SEMA6D: variants seen among roughly 807,000 people sequenced by gnomAD.
SEMA6D encodes the protein semaphorin-6D.
SEMA6D carries 35 observed loss-of-function variants against 106.6 expected under a neutral mutation model. The ratio of observed to expected loss-of-function variants is 0.33; its 90% CI spans 0.25 to 0.44. The LOEUF is 0.44. SEMA6D is among the 20% of genes least tolerant of loss of function. The pLI, the probability that SEMA6D is intolerant of heterozygous loss-of-function variation, is 1.00. For synonymous variants in SEMA6D, 499 were observed against 487.7 expected (o/e 1.02, Z -0.31); for missense variants, 1,185 against 1,345.9 (o/e 0.88, Z 1.87).
chr15:47,217,435 C>T (rs1397546555), intron 1 of SEMA6D, among the ~76,000 whole-genome samples: 1 of 152,020 alleles, frequency 6.6e-6, no homozygotes, highest in Non-Finnish European at 1.5e-5. Flanking sequence ...CAACAGGAAA[C>T]TGTAGGGAAA....
intron 4 of SEMA6D, among the ~76,000 whole-genome samples, chr15:47,621,932 C>T (rs1388495036): frequency 1.3e-5 from 2 of 152,114 alleles, no homozygotes; most frequent in Non-Finnish European, 2.9e-5. Flanking sequence ...CACTTTAACC[C>T]CATCCCTAAT....
chr15:47,589,080 C>A (rs757851638), intron 3 of SEMA6D, among the ~76,000 whole-genome samples: 2 of 152,160 alleles, frequency 1.3e-5, no homozygotes, highest in Non-Finnish European at 2.9e-5. Flanking sequence ...AAAGGTGTTT[C>A]ATGTTCTGAG....
At chr15:47,605,039 A>G (rs542088488) in intron 4 of SEMA6D, among the ~76,000 whole-genome samples, 68 of 152,230 alleles carry the variant, frequency 4.5e-4, no homozygotes, top group Non-Finnish European at 7.9e-4. Flanking sequence ...TGTGTAACCA[A>G]TATCCCTGAA....
chr15:47,656,786 A>G (rs2077804574), intron 4 of SEMA6D, among the ~76,000 whole-genome samples: 2 of 152,204 alleles, frequency 1.3e-5, no homozygotes, highest in Admixed American at 6.6e-5. Context: ...TTGATGATCA[A>G]TACTAAGCTT....
At chr15:47,757,666 T>C (rs1427523728) in intron 1 of SEMA6D, among the ~76,000 whole-genome samples, 1 of 152,184 alleles carries the variant, frequency 6.6e-6, no homozygotes, top group Non-Finnish European at 1.5e-5. Context: ...GTCCAATACA[T>C]AGGAACAAGT....
chr15:47,505,385 A>C (rs559940265), intron 3 of SEMA6D, among the ~76,000 whole-genome samples: 1 of 152,192 alleles, frequency 6.6e-6, no homozygotes, highest in Non-Finnish European at 1.5e-5. Flanking sequence ...AAGTGACAAC[A>C]CTTAAAGTTT....
chr15:47,763,113 A>G lies in SEMA6D; in HGVS notation c.747+9A>G, dbSNP rs762162720. The G allele has an allele frequency of 6.2e-7, 1 of 1,604,600 alleles. No individual in the cohort carries two copies. Among genetic ancestry groups the G allele is most frequent in the Non-Finnish European group, 8.5e-7 (1 of 1,173,146 alleles). On this transcript the variant is annotated intron_variant, in intron 9 of 18. Coordinates refer to ENST00000536845, the MANE Select transcript of SEMA6D (RefSeq NM_001358351.3). The stretch of plus-strand genomic sequence containing the variant: ...ATAATAATTTAGGCAAGGCAAGTAT[A>G]TGCATTTGGCTTGAATTGTGGACTT...
At chr15:47,214,492 G>A (rs1047702375) in intron 1 of SEMA6D, among the ~76,000 whole-genome samples, 2 of 152,186 alleles carry the variant, frequency 1.3e-5, no homozygotes, top group African/African-American at 4.8e-5. Context: ...TTATTTAACT[G>A]AGTTCCGTGA....
chr15:47,427,513 A>G (rs1374286482), intron 2 of SEMA6D, among the ~76,000 whole-genome samples: 1 of 152,176 alleles, frequency 6.6e-6, no homozygotes. Flanking sequence ...TTCTTTGGAA[A>G]ATCTTGATCT....
intron 1 of SEMA6D, among the ~76,000 whole-genome samples, chr15:47,726,363 T>C (rs2079752248): frequency 6.6e-6 from 1 of 152,248 alleles, no homozygotes; most frequent in Admixed American, 6.5e-5. Context: ...AGAACATGTA[T>C]TAAATCATTT....
At chr15:47,608,016 G>T (rs1400893872) in intron 4 of SEMA6D, among the ~76,000 whole-genome samples, 1 of 152,148 alleles carries the variant, frequency 6.6e-6, no homozygotes, top group Non-Finnish European at 1.5e-5. Context: ...TGACCTAAGA[G>T]AGTGCTGTAT....
At chr15:47,701,274 A>T (rs1178662317) in intron 4 of SEMA6D, among the ~76,000 whole-genome samples, 34 of 152,208 alleles carry the variant, frequency 2.2e-4, no homozygotes, top group Admixed American at 2.2e-3. Flanking sequence ...CCAATTAAAA[A>T]ATAGGCCAAA....
intron 4 of SEMA6D, among the ~76,000 whole-genome samples, chr15:47,694,900 T>C (rs753928872): frequency 6.6e-5 from 10 of 152,002 alleles, no homozygotes. Context: ...AATTATTGAG[T>C]TGGTAGTGAT....
chr15:47,254,023 T>G (rs1196747344), intron 1 of SEMA6D, among the ~76,000 whole-genome samples: 1 of 152,042 alleles, frequency 6.6e-6, no homozygotes, highest in Admixed American at 6.6e-5. Flanking sequence ...CCTCTTCAAT[T>G]TCTTCCTTCA....
intron 13 of SEMA6D, 156 bp from the exon 14 acceptor site, chr15:47,765,713 G>GT (rs1463011989): frequency 1.0e-5 from 7 of 680,846 alleles, no homozygotes; most frequent in Middle Eastern, 4.5e-4. Context: ...CAGAGAAGTA[G>GT]AAGATGAATC....
chr15:47,277,790 G>A (rs1318375612), intron 1 of SEMA6D, among the ~76,000 whole-genome samples: 1 of 150,860 alleles, frequency 6.6e-6, no homozygotes, highest in African/African-American at 2.4e-5. Flanking sequence ...AGTCCCCAGA[G>A]TGTGATGTTC....
intron 4 of SEMA6D, among the ~76,000 whole-genome samples, chr15:47,625,697 TTAATAA>T (rs200573409): frequency 6.7e-5 from 10 of 150,032 alleles, no homozygotes; most frequent in South Asian, 4.2e-4. Flanking sequence ...CTCAAAAATA[TTAATAA>T]TAATAATAAT....
chr15:47,566,655 T>C (rs539693620), intron 3 of SEMA6D, among the ~76,000 whole-genome samples: 1 of 152,352 alleles, frequency 6.6e-6, no homozygotes, highest in South Asian at 2.1e-4. Context: ...ATCTGGACTG[T>C]ACCACTTACA....
At chr15:47,266,521 A>G (rs2034325636) in intron 1 of SEMA6D, among the ~76,000 whole-genome samples, 1 of 152,060 alleles carries the variant, frequency 6.6e-6, no homozygotes, top group South Asian at 2.1e-4. Context: ...ACATGGAACC[A>G]CTGCCTTATA....
Sources: gnomAD v4.1 joint callset for allele counts (sites outside exome capture counted in the v4.1 genomes callset) on GRCh38, gnomAD v4.1.1 for gene constraint, MANE v1.5 for transcripts, NCBI Gene and HGNC (gene_info 2026-07-23, HGNC 2026-07-21) for gene names.